Variants in PLXDC2 observed in about 807,000 individuals in gnomAD.
PLXDC2 encodes plexin domain containing 2.
In PLXDC2, 40 loss-of-function variants were observed where a neutral mutation model predicts 68.9. That is an observed-to-expected ratio of 0.58 (90% CI 0.45 to 0.76). The LOEUF is 0.76. Ranked by LOEUF, PLXDC2 falls within the 30% of genes least tolerant of loss-of-function variation. The pLI, the probability that PLXDC2 is intolerant of heterozygous loss-of-function variation, is 0.00. For synonymous variants in PLXDC2, 243 were observed against 234.2 expected, an observed-to-expected ratio of 1.04 and a Z score of -0.34; for missense variants, 644 against 661.9, an observed-to-expected ratio of 0.97 and a Z score of 0.30.
intron 1 of PLXDC2, among the ~76,000 whole-genome samples, chr10:19,817,606 G>C (rs1439261995): frequency 6.6e-6 from 1 of 152,186 alleles, no homozygotes; most frequent in Non-Finnish European, 1.5e-5. Context: ...GGGGGACGTT[G>C]TGAAAGCCAG....
intron 1 of PLXDC2, among the ~76,000 whole-genome samples, chr10:19,982,653 G>A (rs1041143072): frequency 6.6e-6 from 1 of 152,060 alleles, no homozygotes; most frequent in Admixed American, 6.5e-5. Context: ...AGCAACGACA[G>A]TAAGTTTTTT....
chr10:19,994,841 C>A (rs1372235117), intron 1 of PLXDC2, among the ~76,000 whole-genome samples: 1 of 151,794 alleles, frequency 6.6e-6, no homozygotes, highest in Non-Finnish European at 1.5e-5. Flanking sequence ...TTCCCGTGTT[C>A]GAGTAATTCT....
chr10:20,236,709 A>AT (rs1835436904), intron 12 of PLXDC2, among the ~76,000 whole-genome samples: 1 of 151,746 alleles, frequency 6.6e-6, no homozygotes. Flanking sequence ...TCTTTTTTCA[A>AT]TTTTTTTCTT....
At chr10:20,236,537 A>G (rs1036342906) in intron 12 of PLXDC2, among the ~76,000 whole-genome samples, 8 of 152,180 alleles carry the variant, frequency 5.3e-5, no homozygotes, top group African/African-American at 1.9e-4. Context: ...GAAAAGTTTA[A>G]AAGTTAGATG....
chr10:20,184,245 G>A (rs894827617), intron 9 of PLXDC2, among the ~76,000 whole-genome samples: 5 of 151,196 alleles, frequency 3.3e-5, no homozygotes, highest in Non-Finnish European at 7.4e-5. Context: ...TTCCTTTGCA[G>A]TAATGAAAAG....
At chr10:19,933,108 G>C (rs1234659841) in intron 1 of PLXDC2, among the ~76,000 whole-genome samples, 2 of 152,084 alleles carry the variant, frequency 1.3e-5, no homozygotes, top group African/African-American at 4.8e-5. Flanking sequence ...TAGACTTCTG[G>C]GTAACTCACT....
At chr10:19,908,860 A>G (rs529708798) in intron 1 of PLXDC2, among the ~76,000 whole-genome samples, 6 of 152,314 alleles carry the variant, frequency 3.9e-5, no homozygotes, top group African/African-American at 1.2e-4. Context: ...CTCTGTCCCT[A>G]CAATGAGAAG....
chr10:20,251,379 G>A (rs1309437779), intron 13 of PLXDC2, among the ~76,000 whole-genome samples: 2 of 152,056 alleles, frequency 1.3e-5, no homozygotes, highest in Admixed American at 6.5e-5. Context: ...CAAAATAGCA[G>A]AGAATACATA....
chr10:20,093,557 G>A (rs1833308824), intron 4 of PLXDC2, among the ~76,000 whole-genome samples: 1 of 152,006 alleles, frequency 6.6e-6, no homozygotes, highest in Admixed American at 6.6e-5. Context: ...AGAGTTTATT[G>A]TTCAGTTAAG....
intron 1 of PLXDC2, among the ~76,000 whole-genome samples, chr10:19,890,095 G>C (rs1837924525): frequency 6.6e-6 from 1 of 152,104 alleles, no homozygotes; most frequent in Admixed American, 6.5e-5. Flanking sequence ...TGACAAATTT[G>C]ATAGCCTGCT....
intron 2 of PLXDC2, among the ~76,000 whole-genome samples, chr10:20,012,300 TC>T (rs1564656356): frequency 9.5e-5 from 11 of 115,626 alleles, no homozygotes; most frequent in East Asian, 7.7e-4. Flanking sequence ...TCTCTCTCTC[TC>T]TCTTTTTTAT....
intron 4 of PLXDC2, among the ~76,000 whole-genome samples, chr10:20,131,875 A>T (rs1453611590): frequency 6.6e-6 from 1 of 151,432 alleles, no homozygotes; most frequent in Non-Finnish European, 1.5e-5. Context: ...CTAACTCTTT[A>T]TTATATCCTT....
At chr10:20,267,202 T>C (rs998901045) in intron 13 of PLXDC2, among the ~76,000 whole-genome samples, 3 of 152,186 alleles carry the variant, frequency 2.0e-5, no homozygotes, top group African/African-American at 4.8e-5. Flanking sequence ...AGTGGTGTGA[T>C]TGATAAATAA....
intron 1 of PLXDC2, among the ~76,000 whole-genome samples, chr10:19,998,853 G>C (rs1162970734): frequency 6.6e-6 from 1 of 152,110 alleles, no homozygotes; most frequent in African/African-American, 2.4e-5. Flanking sequence ...ACCAAACCTT[G>C]TAAGTGCTAG....
chr10:20,045,771 C>T (rs928371731), intron 2 of PLXDC2, among the ~76,000 whole-genome samples: 18 of 151,996 alleles, frequency 1.2e-4, no homozygotes, highest in Admixed American at 6.6e-5. Context: ...AAATCATAGA[C>T]CTATTTATTC....
At chr10:20,045,336 A>T (rs1428895758) in intron 2 of PLXDC2, among the ~76,000 whole-genome samples, 1 of 152,066 alleles carries the variant, frequency 6.6e-6, no homozygotes, top group Non-Finnish European at 1.5e-5. Flanking sequence ...GCACCCGGCT[A>T]ATTTTTGTAT....
At chr10:19,934,078 A>T (rs1000138766) in intron 1 of PLXDC2, among the ~76,000 whole-genome samples, 4 of 152,232 alleles carry the variant, frequency 2.6e-5, no homozygotes, top group Non-Finnish European at 5.9e-5. Context: ...TTTAAGTCTG[A>T]AAAGAAGAGC....
At chr10:20,050,828 A>T (rs1278981361) in intron 3 of PLXDC2, among the ~76,000 whole-genome samples, 1 of 152,158 alleles carries the variant, frequency 6.6e-6, no homozygotes, top group Non-Finnish European at 1.5e-5. Context: ...AAGTATGGCG[A>T]TTCCTCAAAG....
At chr10:20,055,003 AT>A (rs905323242) in intron 3 of PLXDC2, among the ~76,000 whole-genome samples, 41 of 152,170 alleles carry the variant, frequency 2.7e-4, no homozygotes, top group Middle Eastern at 6.8e-3. Context: ...TGGCTTAAAT[AT>A]TTTTTTATCT....
Sources: gnomAD v4.1 joint callset for allele counts (sites outside exome capture counted in the v4.1 genomes callset) on GRCh38, gnomAD v4.1.1 for gene constraint, MANE v1.5 for transcripts, NCBI Gene and HGNC (gene_info 2026-07-23, HGNC 2026-07-21) for gene names.